FUOM: variants seen among roughly 807,000 people sequenced by gnomAD.
FUOM encodes protein fucU homolog.
FUOM carries 19 observed loss-of-function variants against 18.3 expected under a neutral mutation model. The observed-to-expected ratio is 1.04, with a 90% confidence interval of 0.73 to 1.53. FUOM has a LOEUF of 1.53. FUOM is among the 40% of genes most tolerant of loss of function. FUOM has a pLI of 0.00. For synonymous variants in FUOM, 102 were observed against 87.9 expected, an observed-to-expected ratio of 1.16 and a Z score of -0.90; for missense variants, 210 against 200.9, an observed-to-expected ratio of 1.04 and a Z score of -0.27.
chr10:133,355,086 G>A (rs1463007630), downstream of FUOM: 1 of 486,686 alleles, frequency 2.1e-6, no homozygotes, highest in Non-Finnish European at 3.7e-6. Context: ...AGGGTACGTG[G>A]GGGCCACTCT....
At chr10:133,355,710 G>A (rs1848771370) in intron 5 of FUOM, 28 bp downstream of exon 5, 1 of 1,609,286 alleles carries the variant, frequency 6.2e-7, no homozygotes, top group Non-Finnish European at 8.5e-7. Flanking sequence ...AGTGGGGATG[G>A]GGCAGGTCTG....
At chr10:133,352,778 C>T (rs868711890), downstream of FUOM, 12 of 251,598 alleles carry the variant, frequency 4.8e-5, no homozygotes, top group African/African-American at 1.6e-4. Context: ...GAGCTGAGAT[C>T]GTGCCATTGC....
intron 1 of FUOM, chr10:133,357,638 A>G (rs1848853080): frequency 2.1e-6 from 1 of 487,262 alleles, no homozygotes; most frequent in Non-Finnish European, 3.6e-6. Flanking sequence ...AGGCCCCAGG[A>G]GAAGAAAAAG....
chr10:133,353,906 C>T (rs1564795914), downstream of FUOM, among the ~76,000 whole-genome samples: 1 of 151,688 alleles, frequency 6.6e-6, no homozygotes, highest in Non-Finnish European at 1.5e-5. Context: ...GTAGAAGACC[C>T]TGGATCTCTG....
At chr10:133,356,429 G>A (rs1848800567) in intron 4 of FUOM, among the ~76,000 whole-genome samples, 2 of 152,216 alleles carry the variant, frequency 1.3e-5, no homozygotes. Flanking sequence ...CAGGTGGAAA[G>A]CTCGGGGGCA....
downstream of FUOM, among the ~76,000 whole-genome samples, chr10:133,353,033 G>C (rs538084787): frequency 1.3e-5 from 2 of 152,300 alleles, no homozygotes; most frequent in South Asian, 4.1e-4. Context: ...AGCAGTTAGG[G>C]GATGGGACCA....
chr10:133,355,118 G>A (rs1319685893), downstream of FUOM: 4 of 558,928 alleles, frequency 7.2e-6, no homozygotes, highest in Non-Finnish European at 1.3e-5. Context: ...CCTCCCTTGA[G>A]CTCAGCACCA....
downstream of FUOM, among the ~76,000 whole-genome samples, chr10:133,353,109 C>G (rs1253617509): frequency 3.3e-5 from 5 of 152,220 alleles, no homozygotes; most frequent in African/African-American, 1.2e-4. Context: ...ACAGCAGGAG[C>G]CTGAGACAGG....
chr10:133,355,092 A>T, downstream of FUOM: 1 of 497,144 alleles, frequency 2.0e-6, no homozygotes, highest in South Asian at 2.8e-5. Flanking sequence ...CGTGGGGGCC[A>T]CTCTGGAGCC....
chr10:133,356,649 G>C lies in FUOM; in HGVS notation c.315C>G (p.Ala105=). ...WTEYESILRR[A]GCVRALAKIE... is the part of the protein sequence containing the mutation. ...GGGGCTGCAGGCTTACCACACAGCC[G>C]GCCCTGCGTAGGATGGACTCGTACT... The change falls in exon 4 of 6, where the codon GCC becomes GCG. Residue 105 remains alanine, a synonymous_variant. Coordinates refer to ENST00000278025, the MANE Select transcript of FUOM (RefSeq NM_001098483.3). The C allele has an allele frequency of 1.3e-6, 2 of 1,575,420 alleles. No individual in the cohort carries two copies. The highest frequency in any genetic ancestry group is 1.8e-5 in the Admixed American group (1 of 55,412).
downstream of FUOM, among the ~76,000 whole-genome samples, chr10:133,354,300 G>A (rs1409301914): frequency 6.6e-6 from 1 of 152,148 alleles, no homozygotes; most frequent in African/African-American, 2.4e-5. Context: ...AGCAGCAGGC[G>A]GACAGGACCC....
rs764825709 is a variant in FUOM at position 133,355,391 on chromosome 10, A to G, written c.444T>C (p.Leu148=). The part of the protein sequence containing the change: ...YGNLILRKGV[L]ALNPLL ...AGGCCTACAGCAGGGGGTTGAGGGCAAGCACCCCCTTCCTGAGGATGAGGT... is the reference window on the plus strand; with the variant it reads ...AGGCCTACAGCAGGGGGTTGAGGGCGAGCACCCCCTTCCTGAGGATGAGGT... Residue 148 remains leucine, a synonymous_variant, in exon 6 of 6, where the codon CTT becomes CTC. Transcript: ENST00000278025. 1 of 1,608,268 alleles carries G rather than the reference A, an allele frequency of 6.2e-7. No individual in the cohort carries two copies. The highest frequency in any genetic ancestry group is 2.2e-5 in the East Asian group (1 of 44,828).
intron 4 of FUOM, 77 bp from the exon 5 acceptor site, chr10:133,355,888 C>T: frequency 1.6e-6 from 2 of 1,212,972 alleles, no homozygotes; most frequent in African/African-American, 1.5e-5. Context: ...TCCCCAGGGC[C>T]CAAAGCAGGG....
intron 1 of FUOM, 21 bp from the exon 2 acceptor site, chr10:133,357,276 C>G: frequency 3.8e-6 from 6 of 1,560,282 alleles, no homozygotes; most frequent in Non-Finnish European, 5.2e-6. Context: ...GGGAGGACAG[C>G]CCGTGTCGGC....
chr10:133,355,332 C>G lies in FUOM; in HGVS notation c.*38G>C. On this transcript the variant is annotated 3_prime_UTR_variant, in exon 6 of 6. Transcript: ENST00000278025. ...TGGTGGTACTGGAGCTCAGGGTGCC[C>G]CCAGTTCCTCTTCCGGCCCAGGTGG... is the stretch of plus-strand genomic sequence containing the variant. The G allele has an allele frequency of 6.4e-7, 1 of 1,562,522 alleles. No individual in the cohort carries two copies. Among genetic ancestry groups the G allele is most frequent in the Non-Finnish European group, 8.6e-7 (1 of 1,160,498 alleles).
chr10:133,357,006 GC>G lies in FUOM; in HGVS notation c.161del (p.Gly54AlafsTer10). ...GPMEIRADGL[G>X]IPQLLEAVLK... ...GCACGGCCTCCAGGAGCTGCGGGAT[GC>G]CCAGGCCTGGAGGGCAGAGGAGGCA... On this transcript the variant is annotated frameshift_variant, in exon 3 of 6. Coordinates refer to ENST00000278025, the MANE Select transcript of FUOM (RefSeq NM_001098483.3). LOFTEE classifies it high-confidence loss of function. 6.5e-7 allele frequency: 1 copy of G among 1,550,060 alleles called. No individual in the cohort carries two copies. Among genetic ancestry groups the G allele is most frequent in the Non-Finnish European group, 8.7e-7 (1 of 1,146,946 alleles).
chr10:133,354,861 C>A (rs1300696638), downstream of FUOM, among the ~76,000 whole-genome samples: 1 of 152,216 alleles, frequency 6.6e-6, no homozygotes, highest in African/African-American at 2.4e-5. Context: ...CCAGGCCAGC[C>A]CCTGCCACCT....
In FUOM at chr10:133,357,992, C is replaced by T. The variant is rs1427804178; in HGVS notation, c.16G>A (p.Gly6Ser). 1.3e-6 allele frequency: 2 copies of T among 1,509,688 alleles called. No individual in the cohort carries two copies. The highest frequency in any genetic ancestry group is 5.5e-5 in the East Asian group (2 of 36,504). 93.5% of individuals were successfully genotyped at this position (1,509,688 alleles called of 1,614,324 possible). A position where few individuals can be genotyped will look rare whatever the true frequency, so the allele number is the denominator to read the frequency against. Residue 6 changes from glycine to serine, a missense_variant, in exon 1 of 6, where the codon GGT becomes AGT. Coordinates refer to ENST00000278025, the MANE Select transcript of FUOM (RefSeq NM_001098483.3). MVALKGVPALLSPELL... is the reference protein window; with the variant it reads MVALKSVPALLSPELL... Reference sequence around the variant, plus strand: ...TCGGGGGACAGCAGTGCGGGGACACCCTTCAGCGCCACCATGGCCCGGCAG... The same window carrying T: ...TCGGGGGACAGCAGTGCGGGGACACTCTTCAGCGCCACCATGGCCCGGCAG...
At chr10:133,356,792 G>C in intron 3 of FUOM, 54 bp from the exon 4 acceptor site, 1 of 1,477,524 alleles carries the variant, frequency 6.8e-7, no homozygotes, top group Non-Finnish European at 9.1e-7. Flanking sequence ...TTCCTGGTCA[G>C]GTGACCATTC....
Sources: allele counts gnomAD v4.1 joint callset (sites outside exome capture counted in the v4.1 genomes callset), GRCh38; gene constraint gnomAD v4.1.1; transcripts MANE v1.5; gene names NCBI Gene and HGNC (gene_info 2026-07-23, HGNC 2026-07-21).